The following SESTD1 variants were observed in gnomAD, a reference collection of about 807,000 sequenced individuals.
SESTD1 encodes the protein SEC14 and spectrin domain containing 1, also known as SEC14 domain and spectrin repeat-containing protein 1.
Under a neutral mutation model 101.7 loss-of-function variants are expected in SESTD1, and 43 were observed. That is an observed-to-expected ratio of 0.42 (90% CI 0.33 to 0.55). SESTD1 has a LOEUF of 0.55. Among genes scored for constraint, SESTD1 ranks in the 20% least tolerant of loss-of-function variants. The probability of loss-of-function intolerance (pLI) is 0.07; values close to 1 mark genes in which losing one functional copy is unlikely to be tolerated. For synonymous variants in SESTD1, 283 were observed against 286.8 expected (o/e 0.99, Z 0.13); for missense variants, 647 against 815.1 (o/e 0.79, Z 2.51).
chr2:179,185,696 T>C (rs1036534785), intron 2 of SESTD1, among the ~76,000 whole-genome samples: 28 of 124,604 alleles, frequency 2.2e-4, no homozygotes, highest in Non-Finnish European at 3.4e-4. Context: ...TATAATATAG[T>C]ATATTATATA....
chr2:179,106,577 C>A lies in SESTD1; in HGVS notation c.*3322G>T, dbSNP rs2044387608. 6.6e-6 allele frequency: 1 copy of A among 152,100 alleles called. No individual in the cohort carries two copies. The highest frequency in any genetic ancestry group is 2.1e-4 in the South Asian group (1 of 4,826). The allele number at this position is 152,100 out of a possible 1,614,324, so 9.4% of individuals were successfully genotyped here. A position where few individuals can be genotyped will look rare whatever the true frequency, so the allele number is the denominator to read the frequency against. On this transcript the variant is annotated 3_prime_UTR_variant, in exon 18 of 18. Coordinates refer to ENST00000428443, the MANE Select transcript of SESTD1 (RefSeq NM_178123.5). ...GCTAAGGAGTACGACACTAATAATA[C>A]CACTCCGTATGTCAGCTAATAAGAT... is the stretch of plus-strand genomic sequence containing the variant.
At chr2:179,233,656 G>T (rs1302474543) in intron 1 of SESTD1, among the ~76,000 whole-genome samples, 3 of 152,194 alleles carry the variant, frequency 2.0e-5, no homozygotes, top group African/African-American at 7.2e-5. Flanking sequence ...GTTTCACCAT[G>T]TTGGCCAGGC....
chr2:179,253,289 C>A (rs1463868928), intron 1 of SESTD1, among the ~76,000 whole-genome samples: 2 of 151,612 alleles, frequency 1.3e-5, no homozygotes, highest in Non-Finnish European at 2.9e-5. Flanking sequence ...GAAATGACAA[C>A]TAAATGCAAT....
chr2:179,166,543 G>A (rs2045838529), intron 5 of SESTD1, among the ~76,000 whole-genome samples: 1 of 152,106 alleles, frequency 6.6e-6, no homozygotes, highest in Admixed American at 6.5e-5. Flanking sequence ...AACTGGGGGA[G>A]GGGCAACATT....
intron 1 of SESTD1, among the ~76,000 whole-genome samples, chr2:179,239,262 TC>T: frequency 6.6e-6 from 1 of 152,134 alleles, no homozygotes; most frequent in Non-Finnish European, 1.5e-5. Context: ...GAGAGAATAA[TC>T]CTGAATTCTG....
chr2:179,161,596 A>T (rs936713705), intron 5 of SESTD1, among the ~76,000 whole-genome samples: 8 of 150,346 alleles, frequency 5.3e-5, no homozygotes, highest in African/African-American at 2.0e-4. Flanking sequence ...CGGGAGGTGG[A>T]GGTTGCAGGG....
chr2:179,198,813 G>C (rs1265810349), intron 1 of SESTD1, among the ~76,000 whole-genome samples: 1 of 151,866 alleles, frequency 6.6e-6, no homozygotes, highest in Non-Finnish European at 1.5e-5. Context: ...GCAGTGTGTA[G>C]AGGGAAATTT....
At chr2:179,200,838 T>A (rs368286374) in intron 1 of SESTD1, among the ~76,000 whole-genome samples, 2 of 134,120 alleles carry the variant, frequency 1.5e-5, no homozygotes, top group African/African-American at 3.0e-5. Flanking sequence ...AACCTAGGCA[T>A]TACCATTCAG....
chr2:179,158,560 A>G (rs995340117), intron 5 of SESTD1, among the ~76,000 whole-genome samples: 1 of 152,188 alleles, frequency 6.6e-6, no homozygotes, highest in African/African-American at 2.4e-5. Context: ...ACCTTCTTTT[A>G]TGACATAACA....
chr2:179,146,710 CATAAT>C (rs149582739), intron 7 of SESTD1, among the ~76,000 whole-genome samples: 3,007 of 152,150 alleles, frequency 0.02, 109 homozygotes, highest in African/African-American at 0.069. Context: ...TGTTTTTAGT[CATAAT>C]ATTATTTCAA....
chr2:179,163,034 G>A (rs2045768785), intron 5 of SESTD1, among the ~76,000 whole-genome samples: 2 of 151,446 alleles, frequency 1.3e-5, no homozygotes, highest in South Asian at 2.1e-4. Flanking sequence ...GTTGTCTAAC[G>A]AGATTGATAT....
rs2044355300 is a variant in SESTD1 at position 179,105,213 on chromosome 2, T to TTTA, written c.*4685_*4686insTAA. ...TTTTTTAACCTCATTATTGGGATAC[T>TTTA]TAAATAACAGATTTATGCTGTTGTT... On this transcript the variant is annotated 3_prime_UTR_variant, in exon 18 of 18. Transcript: ENST00000428443. 1.3e-5 allele frequency: 2 copies of TTTA among 151,780 alleles called. No homozygotes were observed. The highest frequency in any genetic ancestry group is 4.8e-5 in the African/African-American group (2 of 41,322). 9.4% of individuals were successfully genotyped at this position (151,780 alleles called of 1,614,324 possible). A position where few individuals can be genotyped will look rare whatever the true frequency, so the allele number is the denominator to read the frequency against.
chr2:179,112,651 G>T (rs2044534408), intron 17 of SESTD1, 73 bp downstream of exon 17: 17 of 1,463,070 alleles, frequency 1.2e-5, no homozygotes, highest in Middle Eastern at 1.8e-4. Flanking sequence ...TTAAAGAATA[G>T]ATTTCCTCTT....
intron 13 of SESTD1, among the ~76,000 whole-genome samples, chr2:179,119,710 TC>T (rs2044706554): frequency 6.6e-6 from 1 of 152,148 alleles, no homozygotes; most frequent in South Asian, 2.1e-4. Flanking sequence ...GGGGCACATA[TC>T]CCCCTTGCTG....
chr2:179,240,164 G>GT (rs1290593608), intron 1 of SESTD1, among the ~76,000 whole-genome samples: 1 of 152,178 alleles, frequency 6.6e-6, no homozygotes, highest in Non-Finnish European at 1.5e-5. Flanking sequence ...ATCAAATGGT[G>GT]TAACAGAGAC....
intron 1 of SESTD1, among the ~76,000 whole-genome samples, chr2:179,193,099 G>A (rs1018420273): frequency 2.6e-5 from 4 of 152,120 alleles, no homozygotes; most frequent in African/African-American, 7.2e-5. Context: ...CCCTGCTCTA[G>A]GGGGTGGGAA....
chr2:179,118,869 A>T (rs566182913), intron 13 of SESTD1, among the ~76,000 whole-genome samples: 1 of 152,218 alleles, frequency 6.6e-6, no homozygotes, highest in Non-Finnish European at 1.5e-5. Flanking sequence ...GCAAGTGACT[A>T]ACTTGCCTTA....
At chr2:179,259,924 AAG>A in intron 1 of SESTD1, among the ~76,000 whole-genome samples, 1 of 152,184 alleles carries the variant, frequency 6.6e-6, no homozygotes, top group Non-Finnish European at 1.5e-5. Flanking sequence ...ATCCTTCTTA[AAG>A]AGTGTATTTA....
chr2:179,123,347 A>G (rs1243166968), intron 12 of SESTD1, among the ~76,000 whole-genome samples: 1 of 152,236 alleles, frequency 6.6e-6, no homozygotes, highest in African/African-American at 2.4e-5. Flanking sequence ...AACAAAAATC[A>G]TTGCATAAAA....
Sources: allele counts gnomAD v4.1 joint callset (sites outside exome capture counted in the v4.1 genomes callset), GRCh38; gene constraint gnomAD v4.1.1; transcripts MANE v1.5; gene names NCBI Gene and HGNC (gene_info 2026-07-23, HGNC 2026-07-21).